BMAL1: variants seen among roughly 807,000 people sequenced by gnomAD.
The protein encoded by BMAL1 is basic helix-loop-helix ARNT-like protein 1.
chr11:13,379,408 C>G, the BMAL1 span: 1 of 152,138 alleles, frequency 6.6e-6, no homozygotes, highest in Non-Finnish European at 1.5e-5. Flanking sequence ...CTGTTATCCC[C>G]CTATAGGTAA....
the BMAL1 span, among the ~76,000 whole-genome samples, chr11:13,336,706 G>T: frequency 6.6e-6 from 1 of 152,210 alleles, no homozygotes; most frequent in South Asian, 2.1e-4. Flanking sequence ...TGCCTGTTGG[G>T]TTGATGCCAT....
the BMAL1 span, among the ~76,000 whole-genome samples, chr11:13,328,516 G>A: frequency 3.3e-5 from 5 of 152,236 alleles, no homozygotes; most frequent in African/African-American, 1.2e-4. Context: ...CACTGGTGCC[G>A]ATGGCCCCTC....
At chr11:13,357,933 G>C in the BMAL1 span, among the ~76,000 whole-genome samples, 2 of 152,198 alleles carry the variant, frequency 1.3e-5, no homozygotes, top group Non-Finnish European at 2.9e-5. The surrounding 1 kb of genome is among the most constrained non-coding windows in gnomAD (Gnocchi z 4.8). Context: ...ATCCAAGGAT[G>C]ACGGCGTTGG....
the BMAL1 span, among the ~76,000 whole-genome samples, chr11:13,311,318 C>T: frequency 1.1e-3 from 168 of 152,098 alleles, no homozygotes; most frequent in African/African-American, 3.5e-3. Context: ...GGGGAATATG[C>T]GTAACTGTGG....
the BMAL1 span, among the ~76,000 whole-genome samples, chr11:13,324,026 C>T: frequency 2.0e-5 from 3 of 152,192 alleles, no homozygotes; most frequent in African/African-American, 7.2e-5. Flanking sequence ...ATTAACATAT[C>T]TGTCATTTCA....
At chr11:13,335,757 AG>A in the BMAL1 span, among the ~76,000 whole-genome samples, 1 of 152,242 alleles carries the variant, frequency 6.6e-6, no homozygotes, top group African/African-American at 2.4e-5. Context: ...AATAGGTGCA[AG>A]CATTTCATAT....
chr11:13,369,609 G>T, the BMAL1 span: 7 of 1,613,722 alleles, frequency 4.3e-6, no homozygotes. Flanking sequence ...TTTGTGTATT[G>T]ATTTGCAGCT....
the BMAL1 span, among the ~76,000 whole-genome samples, chr11:13,322,759 A>C: frequency 1.5e-5 from 2 of 130,362 alleles, no homozygotes; most frequent in African/African-American, 5.9e-5. Context: ...CATAGAGAAG[A>C]GGTGACTTGT....
At chr11:13,293,544 T>C in the BMAL1 span, among the ~76,000 whole-genome samples, 2 of 152,200 alleles carry the variant, frequency 1.3e-5, no homozygotes, top group African/African-American at 4.8e-5. Context: ...ATTTGTTGAA[T>C]GAAGTGTGAA....
chr11:13,386,203 T>C, the BMAL1 span, among the ~76,000 whole-genome samples: 1 of 152,214 alleles, frequency 6.6e-6, no homozygotes, highest in Non-Finnish European at 1.5e-5. Flanking sequence ...TCTAGATCTG[T>C]TTTTTTCCTA....
At chr11:13,369,500 C>T in the BMAL1 span, 3 of 1,188,976 alleles carry the variant, frequency 2.5e-6, no homozygotes, top group Non-Finnish European at 2.4e-6. Context: ...ATATTTATCT[C>T]ATGTCATCAT....
the BMAL1 span, among the ~76,000 whole-genome samples, chr11:13,374,799 G>A: frequency 6.6e-6 from 1 of 152,164 alleles, no homozygotes; most frequent in Non-Finnish European, 1.5e-5. Context: ...GATTGAGCCT[G>A]GTAACATCAG....
At chr11:13,363,127 CATATATATATATATAT>C in the BMAL1 span, among the ~76,000 whole-genome samples, 339 of 109,918 alleles carry the variant, frequency 3.1e-3, 3 homozygotes, top group African/African-American at 7.4e-3. Flanking sequence ...GTCTTTATTT[CATATATATATATATAT>C]ATATATATAT....
the BMAL1 span, chr11:13,386,682 A>G: frequency 6.2e-7 from 1 of 1,614,226 alleles, no homozygotes; most frequent in East Asian, 2.2e-5. Flanking sequence ...AATGGCTGTC[A>G]TCATGAGCCT....
At chr11:13,340,528 C>G in the BMAL1 span, among the ~76,000 whole-genome samples, 1 of 152,162 alleles carries the variant, frequency 6.6e-6, no homozygotes, top group Non-Finnish European at 1.5e-5. Context: ...ACTCTATTCA[C>G]TTTTCAGATT....
At chr11:13,339,907 C>T in the BMAL1 span, among the ~76,000 whole-genome samples, 1 of 152,190 alleles carries the variant, frequency 6.6e-6, no homozygotes, top group Non-Finnish European at 1.5e-5. Flanking sequence ...ATCCCTACCC[C>T]CATCTGCAGC....
At chr11:13,366,564 A>G in the BMAL1 span, 1 of 1,113,914 alleles carries the variant, frequency 9.0e-7, no homozygotes, top group Non-Finnish European at 1.3e-6. Flanking sequence ...TCTCATGCAC[A>G]AAAACACAAA....
At chr11:13,330,601 A>G in the BMAL1 span, among the ~76,000 whole-genome samples, 1 of 152,254 alleles carries the variant, frequency 6.6e-6, no homozygotes, top group African/African-American at 2.4e-5. Flanking sequence ...ATTTAGATGT[A>G]GAGCGAAATT....
chr11:13,276,830 G>A, the BMAL1 span: 1 of 152,246 alleles, frequency 6.6e-6, no homozygotes, highest in Non-Finnish European at 1.5e-5. Context: ...CTCAGCAACC[G>A]AGTCGCATGT....
Sources: allele counts gnomAD v4.1 joint callset (sites outside exome capture counted in the v4.1 genomes callset), GRCh38; gene constraint gnomAD v4.1.1; non-coding constraint Gnocchi (gnomAD v3.1); transcripts MANE v1.5; gene names NCBI Gene and HGNC (gene_info 2026-07-23, HGNC 2026-07-21).